JADE1: variants seen among roughly 807,000 people sequenced by gnomAD.
JADE1 encodes the protein jade family PHD finger 1.
JADE1 carries 14 observed loss-of-function variants against 81.8 expected under a neutral mutation model. That is an observed-to-expected ratio of 0.17 (90% CI 0.11 to 0.27). JADE1 has a LOEUF of 0.27. JADE1 is among the 10% of genes least tolerant of loss of function. The probability of loss-of-function intolerance (pLI) is 1.00; values close to 1 mark genes in which losing one functional copy is unlikely to be tolerated. For synonymous variants in JADE1, 353 were observed against 391.9 expected, an observed-to-expected ratio of 0.90 and a Z score of 1.17; for missense variants, 690 against 1,047.9, an observed-to-expected ratio of 0.66 and a Z score of 4.71.
chr4:128,834,618 T>A (rs1420300972), intron 2 of JADE1, among the ~76,000 whole-genome samples: 1 of 146,926 alleles, frequency 6.8e-6, no homozygotes, highest in Non-Finnish European at 1.5e-5. Context: ...CACTGCAAGC[T>A]CTGCCTCCTG....
chr4:128,813,589 T>G (rs1445240163), intron 1 of JADE1, among the ~76,000 whole-genome samples: 2 of 151,756 alleles, frequency 1.3e-5, no homozygotes, highest in Non-Finnish European at 1.5e-5. Context: ...TGGCTAATTT[T>G]TTTTTGTATT....
At chr4:128,851,200 A>C (rs776897865) in intron 5 of JADE1, among the ~76,000 whole-genome samples, 12 of 152,246 alleles carry the variant, frequency 7.9e-5, no homozygotes, top group Non-Finnish European at 1.5e-4. Context: ...GATTATAGGC[A>C]TGAGCCATCG....
chr4:128,862,498 G>A, intron 9 of JADE1: 6 of 1,304,728 alleles, frequency 4.6e-6, no homozygotes, highest in Non-Finnish European at 5.9e-6. Context: ...GATCAAATGG[G>A]GTGTGTCTTC....
At chr4:128,865,144 G>A (rs1259526736) in intron 9 of JADE1, among the ~76,000 whole-genome samples, 1 of 152,222 alleles carries the variant, frequency 6.6e-6, no homozygotes, top group Non-Finnish European at 1.5e-5. Flanking sequence ...TTGAAAATCT[G>A]GTAGTGGCTA....
chr4:128,822,041 G>C (rs995635270), intron 1 of JADE1, among the ~76,000 whole-genome samples: 1 of 152,006 alleles, frequency 6.6e-6, no homozygotes. Flanking sequence ...CTTTGCATCA[G>C]ATATTCTTTT....
chr4:128,845,055 A>G (rs1729752754), intron 3 of JADE1, among the ~76,000 whole-genome samples: 1 of 152,250 alleles, frequency 6.6e-6, no homozygotes, highest in African/African-American at 2.4e-5. Context: ...TTACAGATGC[A>G]AGCTTGCTCG....
Position 128,857,439 on chromosome 4 carries a change from T to C in JADE1, c.966T>C (p.Phe322=). ...ALVCSLCNEK[F]GASIQCSVKN... ...TGTGCAGCCTCTGCAATGAGAAGTT[T>C]GGGGCCTCTATACAGGTAATTAGCT... The change falls in exon 8 of 11, where the codon TTT becomes TTC. Residue 322 remains phenylalanine, a synonymous_variant. Transcript: ENST00000226319. 6 of 1,613,802 alleles carry C rather than the reference T, an allele frequency of 3.7e-6. No homozygotes were observed. The highest frequency in any genetic ancestry group is 2.7e-5 in the African/African-American group (2 of 75,020).
intron 1 of JADE1, among the ~76,000 whole-genome samples, chr4:128,813,263 G>A (rs1046375547): frequency 6.6e-6 from 1 of 152,170 alleles, no homozygotes; most frequent in South Asian, 2.1e-4. Context: ...CACTTTTGAT[G>A]TAATAATTTG....
chr4:128,842,723 G>A (rs1161527402), intron 2 of JADE1, among the ~76,000 whole-genome samples: 1 of 152,220 alleles, frequency 6.6e-6, no homozygotes, highest in African/African-American at 2.4e-5. Context: ...TGTGGTCCTT[G>A]ATACAGCATC....
At chr4:128,811,160 A>C (rs1726317880) in intron 1 of JADE1, 1 of 152,172 alleles carries the variant, frequency 6.6e-6, no homozygotes, top group Non-Finnish European at 1.5e-5. Flanking sequence ...GGAATGTGGA[A>C]TGTTGACCGG....
At chr4:128,850,953 T>A (rs193188172) in intron 5 of JADE1, among the ~76,000 whole-genome samples, 1 of 152,228 alleles carries the variant, frequency 6.6e-6, no homozygotes, top group Admixed American at 6.5e-5. Context: ...TTTTTTGAGA[T>A]GAAGTCTCGC....
chr4:128,817,631 G>C (rs1444849834), intron 1 of JADE1, among the ~76,000 whole-genome samples: 1 of 152,128 alleles, frequency 6.6e-6, no homozygotes, highest in Non-Finnish European at 1.5e-5. Context: ...ATTTTTTATT[G>C]ATTACTCTTT....
At chr4:128,812,802 C>T (rs537545441) in intron 1 of JADE1, among the ~76,000 whole-genome samples, 1 of 152,332 alleles carries the variant, frequency 6.6e-6, no homozygotes, top group South Asian at 2.1e-4. Flanking sequence ...TCGGCAGGGG[C>T]GAGGGGCTGT....
At chr4:128,869,022 T>C (rs978392287) in intron 10 of JADE1, among the ~76,000 whole-genome samples, 2 of 152,238 alleles carry the variant, frequency 1.3e-5, no homozygotes, top group Non-Finnish European at 1.5e-5. Context: ...GAAGTTGTTA[T>C]AACCTGTTGT....
At chr4:128,847,082 T>A (rs1386798407) in intron 4 of JADE1, among the ~76,000 whole-genome samples, 2 of 152,110 alleles carry the variant, frequency 1.3e-5, no homozygotes, top group African/African-American at 2.4e-5. Flanking sequence ...TGGGGTACGT[T>A]CTCTGGATTT....
At chr4:128,823,954 T>C (rs1321696136) in intron 1 of JADE1, among the ~76,000 whole-genome samples, 1 of 152,228 alleles carries the variant, frequency 6.6e-6, no homozygotes, top group Non-Finnish European at 1.5e-5. Flanking sequence ...TGTGAAGTTA[T>C]AGGTCATTAT....
At chr4:128,845,048 C>T (rs1729752021) in intron 3 of JADE1, among the ~76,000 whole-genome samples, 1 of 152,222 alleles carries the variant, frequency 6.6e-6, no homozygotes, top group African/African-American at 2.4e-5. Flanking sequence ...GGGCAGCTTA[C>T]AGATGCAAGC....
chr4:128,871,920 C>G lies in JADE1; in HGVS notation c.2187C>G (p.Asn729Lys), dbSNP rs1285512158. The G allele has an allele frequency of 1.2e-6, 2 of 1,613,930 alleles. No homozygotes were observed. The highest frequency in any genetic ancestry group is 3.3e-5 in the Admixed American group (2 of 59,998). Residue 729 changes from asparagine (N) to lysine (K), a missense_variant, in exon 11 of 11, where the codon AAC becomes AAG. Physicochemically the swap from Asn to Lys is moderately conservative, Grantham distance 94. This residue lies in a region of JADE1 where 218 missense variants were observed against 274.3 expected (regional missense o/e 0.79). Transcript: ENST00000226319. The surrounding 1 kb of genome is among the most constrained non-coding windows in gnomAD (Gnocchi z 4.1). Reference protein sequence around the residue: ...PKCNGSLIKVNYNQTAVKVPT... With the variant: ...PKCNGSLIKVKYNQTAVKVPT... ...GCAATGGCTCCCTAATCAAAGTAAACTATAATCAGACTGCAGTCAAAGTGC... is the reference window on the plus strand; with the variant it reads ...GCAATGGCTCCCTAATCAAAGTAAAGTATAATCAGACTGCAGTCAAAGTGC...
At chr4:128,842,795 C>T (rs114573395) in intron 2 of JADE1, among the ~76,000 whole-genome samples, 158 bp from the exon 3 acceptor site, 25 of 152,202 alleles carry the variant, frequency 1.6e-4, no homozygotes, top group Non-Finnish European at 2.8e-4. Flanking sequence ...AACTGATGGA[C>T]GTGGAAGAGC....
Sources: allele counts gnomAD v4.1 joint callset (sites outside exome capture counted in the v4.1 genomes callset), GRCh38; gene constraint gnomAD v4.1.1; regional missense constraint gnomAD v4.1.1; non-coding constraint Gnocchi (gnomAD v3.1); transcripts MANE v1.5; gene names NCBI Gene and HGNC (gene_info 2026-07-23, HGNC 2026-07-21).